Variants in FAAH2 observed in about 807,000 individuals in gnomAD.
FAAH2 encodes fatty-acid amide hydrolase 2.
In FAAH2, 60 loss-of-function variants were observed where a neutral mutation model predicts 36.9. That is an observed-to-expected ratio of 1.63 (90% CI 1.32 to 2.02). The LOEUF is 2.02. Among genes scored for constraint, FAAH2 ranks in the 30% most tolerant of loss-of-function variants. The pLI is 0.00. For missense variants in FAAH2, 689 were observed against 397.5 expected (o/e 1.73, Z -6.23); for synonymous variants, 214 against 143.8 (o/e 1.49, Z -3.49).
chrX:57,437,803 TC>T (rs1362607498), intron 8 of FAAH2, among the ~76,000 whole-genome samples: 26 of 102,366 alleles, frequency 2.5e-4, no homozygotes, highest in African/African-American at 7.3e-4. Flanking sequence ...TATGTTATAA[TC>T]AGATTTATAT....
chrX:57,360,883 G>A (rs759629239), intron 5 of FAAH2, among the ~76,000 whole-genome samples: 46 of 110,575 alleles, frequency 4.2e-4, no homozygotes, highest in African/African-American at 1.5e-3. Context: ...GTGTCCATGT[G>A]TTCTTATTGT....
intron 8 of FAAH2, among the ~76,000 whole-genome samples, chrX:57,441,690 A>C (rs1330874366): frequency 9.1e-6 from 1 of 109,627 alleles, no homozygotes; most frequent in Non-Finnish European, 1.9e-5. Flanking sequence ...AGTTCTTTTA[A>C]TTGTGATATT....
chrX:57,363,571 A>T (rs749764133), intron 5 of FAAH2, among the ~76,000 whole-genome samples: 1 of 111,105 alleles, frequency 9.0e-6, no homozygotes, highest in African/African-American at 3.3e-5. Flanking sequence ...CTCTTGCCTG[A>T]TTGCTCTGGC....
At chrX:57,206,284 C>A in the FAAH2 span, among the ~76,000 whole-genome samples, 2 of 111,891 alleles carry the variant, frequency 1.8e-5, no homozygotes, top group Admixed American at 9.5e-5. Context: ...TTTTGAAAGT[C>A]ATTTAATGTT....
At chrX:57,377,824 C>T (rs184329782) in intron 5 of FAAH2, among the ~76,000 whole-genome samples, 2 of 112,008 alleles carry the variant, frequency 1.8e-5, no homozygotes, top group African/African-American at 6.5e-5. Flanking sequence ...TTTCCTTGAG[C>T]AGTGGTTTGT....
intron 10 of FAAH2, among the ~76,000 whole-genome samples, chrX:57,466,050 T>G (rs766294088): frequency 9.3e-6 from 1 of 107,484 alleles, no homozygotes; most frequent in East Asian, 2.9e-4. Flanking sequence ...TTTCTTGTCT[T>G]CTTTCATACA....
At chrX:57,452,443 G>T (rs188970021) in intron 10 of FAAH2, 2 of 412,587 alleles carry the variant, frequency 4.8e-6, no homozygotes, top group African/African-American at 5.5e-5. Flanking sequence ...GAGTGGGCTT[G>T]GTCACCTCCC....
In FAAH2 at chrX:57,378,633, G is replaced by C. The variant is rs2054750234; in HGVS notation, c.743-18G>C. ...ATGTCTTATTTTGGGCGGCTAACCTGACTGTCTATCCTTTCAGGTGTGGTT... is the reference window on the plus strand; with the variant it reads ...ATGTCTTATTTTGGGCGGCTAACCTCACTGTCTATCCTTTCAGGTGTGGTT... On this transcript the variant is annotated intron_variant, in intron 5 of 10. Coordinates refer to ENST00000374900, the MANE Select transcript of FAAH2 (RefSeq NM_174912.4). The C allele has an allele frequency of 1.7e-6, 2 of 1,208,020 alleles. No individual in the cohort carries two copies. The highest frequency in any genetic ancestry group is 1.8e-5 in the African/African-American group (1 of 57,046).
At chrX:57,449,807 C>G (rs1017621114) in intron 10 of FAAH2, among the ~76,000 whole-genome samples, 1 of 111,121 alleles carries the variant, frequency 9.0e-6, no homozygotes, top group Non-Finnish European at 1.9e-5. Flanking sequence ...GCTGGGATTA[C>G]AGGAGTGTGC....
the FAAH2 span, among the ~76,000 whole-genome samples, chrX:57,187,063 C>T: frequency 5.4e-5 from 6 of 111,290 alleles, no homozygotes; most frequent in East Asian, 1.4e-3. Flanking sequence ...TTTTTGGTTC[C>T]GTGTGAAATG....
intron 5 of FAAH2, among the ~76,000 whole-genome samples, chrX:57,364,478 G>T (rs2054364238): frequency 1.0e-5 from 1 of 95,756 alleles, no homozygotes; most frequent in Non-Finnish European, 2.1e-5. Flanking sequence ...AGATCCCCTA[G>T]TGTTTTGGTC....
chrX:57,481,906 G>A (rs1440982737), intron 10 of FAAH2, among the ~76,000 whole-genome samples: 1 of 111,919 alleles, frequency 8.9e-6, no homozygotes, highest in African/African-American at 3.2e-5. Context: ...AGTTTTGTCT[G>A]TAAGCACCCG....
chrX:57,421,453 A>G (rs2056024353), intron 7 of FAAH2, among the ~76,000 whole-genome samples: 1 of 111,641 alleles, frequency 9.0e-6, no homozygotes, highest in Non-Finnish European at 1.9e-5. Flanking sequence ...TTATTTTTTC[A>G]TAGTTTTAGA....
chrX:57,406,314 A>G (rs1362419342), intron 7 of FAAH2, among the ~76,000 whole-genome samples: 1 of 112,234 alleles, frequency 8.9e-6, no homozygotes, highest in East Asian at 2.8e-4. Context: ...GGGAGTGCAG[A>G]GCTCTCAGAA....
intron 8 of FAAH2, among the ~76,000 whole-genome samples, chrX:57,442,568 G>A (rs1282222289): frequency 1.8e-5 from 2 of 111,745 alleles, no homozygotes; most frequent in Non-Finnish European, 3.8e-5. Flanking sequence ...TGTCCAATTT[G>A]CCAGTCTGTG....
chrX:57,217,930 ATTTG>A, the FAAH2 span, among the ~76,000 whole-genome samples: 268 of 111,504 alleles, frequency 2.4e-3, 2 homozygotes, highest in African/African-American at 8.4e-3. Context: ...ATGTGTTTCC[ATTTG>A]TTTGTGTCAT....
At chrX:57,215,781 C>G in the FAAH2 span, among the ~76,000 whole-genome samples, 3 of 108,690 alleles carry the variant, frequency 2.8e-5, no homozygotes, top group Admixed American at 3.0e-4. Flanking sequence ...CACATGGACA[C>G]AGAGAGGGGC....
intron 5 of FAAH2, among the ~76,000 whole-genome samples, chrX:57,347,477 C>T (rs946005227): frequency 9.0e-6 from 1 of 110,608 alleles, no homozygotes; most frequent in African/African-American, 3.3e-5. Flanking sequence ...TTAATGGATT[C>T]CCTGGATTCC....
the FAAH2 span, among the ~76,000 whole-genome samples, chrX:57,182,903 G>C: frequency 1.1e-4 from 12 of 110,979 alleles, no homozygotes; most frequent in African/African-American, 3.9e-4. Context: ...TACATAGTTG[G>C]AGCTGGAGGC....
Sources: gnomAD v4.1 joint callset for allele counts (sites outside exome capture counted in the v4.1 genomes callset) on GRCh38, gnomAD v4.1.1 for gene constraint, MANE v1.5 for transcripts, NCBI Gene and HGNC (gene_info 2026-07-23, HGNC 2026-07-21) for gene names.